NUDCD3: variants seen among roughly 807,000 people sequenced by gnomAD.
NUDCD3 encodes the protein NudC domain containing 3, also known as nudC domain-containing protein 3.
A neutral mutation model predicts 39.7 loss-of-function variants in NUDCD3; 13 were observed. The ratio of observed to expected loss-of-function variants is 0.33; its 90% CI spans 0.21 to 0.52. NUDCD3 has a LOEUF of 0.52. Among genes scored for constraint, NUDCD3 ranks in the 20% least tolerant of loss-of-function variants. The pLI, the probability that NUDCD3 is intolerant of heterozygous loss-of-function variation, is 0.96. For missense variants in NUDCD3, 453 were observed against 458.1 expected (o/e 0.99, Z 0.10); for synonymous variants, 175 against 172.4 (o/e 1.02, Z -0.12).
intron 2 of NUDCD3, among the ~76,000 whole-genome samples, chr7:44,439,994 T>C (rs963726029): frequency 6.6e-6 from 1 of 152,226 alleles, no homozygotes; most frequent in Non-Finnish European, 1.5e-5. Context: ...GGTTTTAACA[T>C]ATGCTAAGAA....
chr7:44,406,093 C>T (rs755709119), intron 3 of NUDCD3, among the ~76,000 whole-genome samples: 17 of 152,202 alleles, frequency 1.1e-4, no homozygotes, highest in Non-Finnish European at 2.2e-4. Context: ...GCCACCACAT[C>T]CAGCCCATCA....
At chr7:44,428,123 T>TAAAAAAAAA (rs55642004) in intron 2 of NUDCD3, among the ~76,000 whole-genome samples, 1 of 76,102 alleles carries the variant, frequency 1.3e-5, no homozygotes, top group Non-Finnish European at 2.5e-5. Flanking sequence ...GGTCAATCTT[T>TAAAAAAAAA]AAAAAAAAAA....
chr7:44,460,426 C>T (rs1389190377), intron 2 of NUDCD3, among the ~76,000 whole-genome samples: 1 of 152,156 alleles, frequency 6.6e-6, no homozygotes. Flanking sequence ...GGAAGGAAAG[C>T]ATATAAGGCC....
intron 2 of NUDCD3, among the ~76,000 whole-genome samples, chr7:44,473,842 C>A (rs1460626599): frequency 6.6e-6 from 1 of 151,836 alleles, no homozygotes; most frequent in East Asian, 1.9e-4. Flanking sequence ...ATTTACTTTA[C>A]CAAATAAATT....
chr7:44,412,882 A>C (rs1798954442), intron 3 of NUDCD3, among the ~76,000 whole-genome samples: 1 of 145,994 alleles, frequency 6.8e-6, no homozygotes, highest in African/African-American at 2.6e-5. Context: ...AGCTGAGATC[A>C]CGCCACTGCA....
In NUDCD3 at chr7:44,386,062, C is replaced by T. The variant is rs1410168843; in HGVS notation, c.1035G>A (p.Gln345=). ...WDAEGSPFRG[Q]RFDPAMFNIS... is the part of the protein sequence containing the mutation. ...TGTTGAACATGGCAGGGTCGAATCG[C>T]TGGCCTCGGAAGGGAGAACCTTCAG... The change falls in exon 6 of 6, where the codon CAG becomes CAA. Residue 345 remains glutamine, a synonymous_variant. Coordinates refer to ENST00000355451, the MANE Select transcript of NUDCD3 (RefSeq NM_015332.4). 6.2e-7 allele frequency: 1 copy of T among 1,613,128 alleles called. No homozygotes were observed. Among genetic ancestry groups the T allele is most frequent in the Non-Finnish European group, 8.5e-7 (1 of 1,179,182 alleles).
At chr7:44,399,825 C>T (rs1209300383) in intron 4 of NUDCD3, among the ~76,000 whole-genome samples, 2 of 152,330 alleles carry the variant, frequency 1.3e-5, no homozygotes, top group Middle Eastern at 3.4e-3. Context: ...CACAAAAACA[C>T]TCACAGGGTT....
intron 1 of NUDCD3, chr7:44,485,545 G>C: frequency 2.5e-6 from 1 of 404,512 alleles, no homozygotes; most frequent in Non-Finnish European, 4.4e-6. Context: ...AAGATGTACA[G>C]TTAGATGGTC....
At chr7:44,462,417 T>C (rs1800032837) in intron 2 of NUDCD3, among the ~76,000 whole-genome samples, 1 of 152,172 alleles carries the variant, frequency 6.6e-6, no homozygotes, top group Non-Finnish European at 1.5e-5. Flanking sequence ...AACAGATACA[T>C]AACTTATACT....
At chr7:44,489,181 T>C (rs1307782860) in intron 1 of NUDCD3, among the ~76,000 whole-genome samples, 2 of 152,348 alleles carry the variant, frequency 1.3e-5, no homozygotes, top group East Asian at 3.9e-4. Context: ...AACTTGAAAC[T>C]TATCTGTTTC....
chr7:44,490,293 C>T, intron 1 of NUDCD3, 116 bp downstream of exon 1: 1 of 1,035,808 alleles, frequency 9.7e-7, no homozygotes, highest in Non-Finnish European at 1.3e-6. Context: ...ACAAGCTCAA[C>T]CCCAGGACAC....
intron 3 of NUDCD3, among the ~76,000 whole-genome samples, chr7:44,412,835 G>A (rs1418151152): frequency 2.7e-5 from 4 of 150,698 alleles, no homozygotes; most frequent in African/African-American, 9.8e-5. Flanking sequence ...GCTGAGGCAG[G>A]AGAATGGCGT....
chr7:44,441,899 T>TGAGCA (rs1799592304), intron 2 of NUDCD3, among the ~76,000 whole-genome samples: 1 of 151,786 alleles, frequency 6.6e-6, no homozygotes, highest in Non-Finnish European at 1.5e-5. Flanking sequence ...ACCACAGAGA[T>TGAGCA]GAGCAGCCTA....
At chr7:44,465,580 A>G (rs1800102017) in intron 2 of NUDCD3, among the ~76,000 whole-genome samples, 1 of 152,262 alleles carries the variant, frequency 6.6e-6, no homozygotes, top group Non-Finnish European at 1.5e-5. Flanking sequence ...AATAAACTGT[A>G]TTAACCAAAA....
chr7:44,442,718 C>CA (rs1799611621), intron 2 of NUDCD3, among the ~76,000 whole-genome samples: 1 of 125,244 alleles, frequency 8.0e-6, no homozygotes, highest in Non-Finnish European at 1.6e-5. Context: ...TTTTTTGAGA[C>CA]AGAGTCTCAC....
At chr7:44,488,432 T>C (rs1800663651) in intron 1 of NUDCD3, among the ~76,000 whole-genome samples, 1 of 151,788 alleles carries the variant, frequency 6.6e-6, no homozygotes, top group African/African-American at 2.4e-5. Context: ...CTCTTAAGCA[T>C]CTGCTGGAGA....
chr7:44,435,021 G>C lies in NUDCD3; in HGVS notation c.510-7318C>G, dbSNP rs114074652. Among the ~76,000 whole-genome samples, 539 of 152,302 alleles carry C rather than the reference G, an allele frequency of 3.5e-3. 2 individuals are homozygous for C. The highest frequency in any genetic ancestry group is 0.012 in the African/African-American group (516 of 41,554). Reference sequence around the variant, plus strand: ...CTCACTGAGCAGCTTTTATGACTATGGGATGATTCTTGAACCCTCTGAGAC... The same window carrying C: ...CTCACTGAGCAGCTTTTATGACTATCGGATGATTCTTGAACCCTCTGAGAC... On this transcript the variant is annotated intron_variant, in intron 2 of 5. Coordinates refer to ENST00000355451, the MANE Select transcript of NUDCD3 (RefSeq NM_015332.4).
intron 2 of NUDCD3, among the ~76,000 whole-genome samples, chr7:44,479,276 G>T (rs1391763155): frequency 6.6e-6 from 1 of 152,148 alleles, no homozygotes; most frequent in Non-Finnish European, 1.5e-5. Context: ...GACTACATTT[G>T]TCCAAAGTCA....
intron 2 of NUDCD3, chr7:44,471,803 T>G (rs1458360997): frequency 6.6e-6 from 1 of 152,182 alleles, no homozygotes; most frequent in Non-Finnish European, 1.5e-5. Context: ...TCATCCGGAC[T>G]CCATGAACAA....
Sources: allele counts gnomAD v4.1 joint callset (sites outside exome capture counted in the v4.1 genomes callset), GRCh38; gene constraint gnomAD v4.1.1; transcripts MANE v1.5; gene names NCBI Gene and HGNC (gene_info 2026-07-23, HGNC 2026-07-21).